ANKFY1: variants seen among roughly 807,000 people sequenced by gnomAD.
ANKFY1 encodes ankyrin repeat and FYVE domain containing 1.
Under a neutral mutation model 128.3 loss-of-function variants are expected in ANKFY1, and 47 were observed. The observed-to-expected ratio is 0.37, with a 90% confidence interval of 0.29 to 0.47. ANKFY1 has a LOEUF of 0.47. Ranked by LOEUF, ANKFY1 falls within the 20% of genes least tolerant of loss-of-function variation. The pLI is 1.00. For synonymous variants in ANKFY1, 553 were observed against 601.6 expected, an observed-to-expected ratio of 0.92 and a Z score of 1.18; for missense variants, 1,222 against 1,510.6, an observed-to-expected ratio of 0.81 and a Z score of 3.17.
chr17:4,193,115 T>A (rs1025804339), intron 10 of ANKFY1, among the ~76,000 whole-genome samples: 1 of 152,218 alleles, frequency 6.6e-6, no homozygotes, highest in South Asian at 2.1e-4. Context: ...ATATGTAAGA[T>A]TTGAACAGCA....
At chr17:4,243,771 G>A (rs1361371479) in intron 1 of ANKFY1, among the ~76,000 whole-genome samples, 2 of 152,160 alleles carry the variant, frequency 1.3e-5, no homozygotes, top group South Asian at 2.1e-4. Context: ...CCGCAGGTGC[G>A]CTGGGGCAGG....
intron 4 of ANKFY1, among the ~76,000 whole-genome samples, chr17:4,213,012 T>A (rs574569017): frequency 6.6e-6 from 1 of 152,006 alleles, no homozygotes; most frequent in African/African-American, 2.4e-5. Context: ...TCTGACCTCA[T>A]GACCCGCCCG....
chr17:4,226,110 TTATAAA>T (rs1204081268), intron 3 of ANKFY1, among the ~76,000 whole-genome samples: 1 of 152,214 alleles, frequency 6.6e-6, no homozygotes, highest in Non-Finnish European at 1.5e-5. Context: ...GAAGTCATAA[TTATAAA>T]TGTAAATGTA....
chr17:4,199,393 T>C (rs1030181387), intron 7 of ANKFY1, among the ~76,000 whole-genome samples: 2 of 152,164 alleles, frequency 1.3e-5, no homozygotes, highest in African/African-American at 4.8e-5. Flanking sequence ...GGTTTCACCA[T>C]GTTGCCCAGG....
At chr17:4,246,062 C>A (rs948006234) in intron 1 of ANKFY1, among the ~76,000 whole-genome samples, 3 of 151,870 alleles carry the variant, frequency 2.0e-5, no homozygotes, top group Non-Finnish European at 4.4e-5. Context: ...ACAACAACAA[C>A]AAAAAACAAC....
At chr17:4,200,981 G>T (rs184322509) in intron 7 of ANKFY1, among the ~76,000 whole-genome samples, 113 of 152,240 alleles carry the variant, frequency 7.4e-4, no homozygotes, top group East Asian at 3.9e-4. Context: ...GAATATACAG[G>T]TTTCATCTGG....
At chr17:4,224,177 T>TA (rs1010089235) in intron 3 of ANKFY1, among the ~76,000 whole-genome samples, 3 of 151,958 alleles carry the variant, frequency 2.0e-5, no homozygotes, top group African/African-American at 4.8e-5. Context: ...TTATTTTTTT[T>TA]ACTTCATCAA....
chr17:4,181,487 A>T lies in ANKFY1; in HGVS notation c.2122-115T>A. 1.4e-6 allele frequency: 1 copy of T among 708,942 alleles called. No homozygotes were observed. The highest frequency in any genetic ancestry group is 1.7e-5 in the South Asian group (1 of 58,552). The allele number at this position is 708,942 out of a possible 1,614,324, so 43.9% of individuals were successfully genotyped here. On this transcript the variant is annotated intron_variant, in intron 15 of 24. Coordinates refer to ENST00000341657, the MANE Select transcript of ANKFY1 (RefSeq NM_001330063.2). The surrounding 1 kb of genome is among the most constrained non-coding windows in gnomAD (Gnocchi z 4.9). ...TCCACTTTCAGATAAGATACGGTTG[A>T]TAATAAATTGATAATTACTTTAATC...
chr17:4,227,568 T>C lies in ANKFY1; in HGVS notation c.322+8204A>G, dbSNP rs62064374. ...CCTACAACTAATCTATACAAAATGA[T>C]AAAAGATCTCATTGTTTCTCCCTGA... is the stretch of plus-strand genomic sequence containing the variant. On this transcript the variant is annotated intron_variant, in intron 3 of 24. Transcript: ENST00000341657. 1.8e-3 allele frequency among the ~76,000 whole-genome samples: 278 copies of C among 152,254 alleles called. 1 individual carries two copies. The highest frequency in any genetic ancestry group is 2.9e-3 in the Non-Finnish European group (199 of 67,994).
intron 5 of ANKFY1, among the ~76,000 whole-genome samples, chr17:4,208,851 G>A (rs902166532): frequency 6.6e-6 from 1 of 152,136 alleles, no homozygotes; most frequent in East Asian, 1.9e-4. Flanking sequence ...CTGAGGTTGG[G>A]AGTTTGAGAC....
chr17:4,217,046 T>G lies in ANKFY1; in HGVS notation c.395A>C (p.Asp132Ala), dbSNP rs1179290317. 6.2e-7 allele frequency: 1 copy of G among 1,614,006 alleles called. No individual in the cohort carries two copies. The highest frequency in any genetic ancestry group is 8.5e-7 in the Non-Finnish European group (1 of 1,180,052). The change falls in exon 4 of 25, where the codon GAT becomes GCT. Residue 132 changes from aspartate to alanine, a missense_variant. Asp to Ala is a moderately radical substitution (Grantham distance 126, BLOSUM62 -2). Coordinates refer to ENST00000341657, the MANE Select transcript of ANKFY1 (RefSeq NM_001330063.2). ...TTTCATCAGTTCAGTCAGGAACACA[T>G]CATCCTCTCTGAACTCCAGCTCATC... Reference protein sequence around the residue: ...YTDELEFREDDVFLTELMKLA... With the variant: ...YTDELEFREDAVFLTELMKLA...
At chr17:4,170,956 C>G in intron 22 of ANKFY1, 95 bp from the exon 23 acceptor site, 1 of 1,568,120 alleles carries the variant, frequency 6.4e-7, no homozygotes, top group South Asian at 1.1e-5. Context: ...CAGAACAGAC[C>G]GCTGGCAGGA....
chr17:4,263,869 G>T, intron 1 of ANKFY1, 63 bp downstream of exon 1: 1 of 1,613,024 alleles, frequency 6.2e-7, no homozygotes, highest in South Asian at 1.1e-5. Context: ...CGGCAGCTTC[G>T]CACGGCCAGC....
At chr17:4,218,307 G>T (rs895090073) in intron 3 of ANKFY1, among the ~76,000 whole-genome samples, 1 of 152,154 alleles carries the variant, frequency 6.6e-6, no homozygotes, top group African/African-American at 2.4e-5. Context: ...AACAAAAATC[G>T]TAAGAGTCCA....
chr17:4,179,444 T>C, intron 17 of ANKFY1: 1 of 534,462 alleles, frequency 1.9e-6, no homozygotes, highest in Middle Eastern at 4.9e-4. Flanking sequence ...CTAAATACAG[T>C]ATGCGATTTG....
intron 18 of ANKFY1, 42 bp from the exon 19 acceptor site, chr17:4,177,344 A>G (rs747426886): frequency 6.6e-7 from 1 of 1,522,104 alleles, no homozygotes; most frequent in South Asian, 1.3e-5. Flanking sequence ...TTCCCTTTTC[A>G]GAGTACCTCC....
At chr17:4,194,062 C>T (rs1485487070) in intron 10 of ANKFY1, among the ~76,000 whole-genome samples, 1 of 143,918 alleles carries the variant, frequency 6.9e-6, no homozygotes, top group African/African-American at 2.6e-5. Context: ...TTTGGGATTA[C>T]AGGCATGAGC....
intron 11 of ANKFY1, chr17:4,187,127 T>C: frequency 1.3e-6 from 1 of 764,008 alleles, no homozygotes; most frequent in Non-Finnish European, 1.8e-6. Context: ...GTACCCAGTA[T>C]CACCCTTTTA....
intron 4 of ANKFY1, among the ~76,000 whole-genome samples, chr17:4,215,955 A>G (rs1359537792): frequency 2.6e-5 from 4 of 152,228 alleles, no homozygotes; most frequent in African/African-American, 4.8e-5. Context: ...CAGTTAACTG[A>G]ATGTCCTCAA....
Sources: allele counts gnomAD v4.1 joint callset (sites outside exome capture counted in the v4.1 genomes callset), GRCh38; gene constraint gnomAD v4.1.1; non-coding constraint Gnocchi (gnomAD v3.1); transcripts MANE v1.5; gene names NCBI Gene and HGNC (gene_info 2026-07-23, HGNC 2026-07-21).